The following DLG4 variants were observed in gnomAD, a reference collection of about 807,000 sequenced individuals.
DLG4 encodes disks large homolog 4.
Under a neutral mutation model 93.8 loss-of-function variants are expected in DLG4, and 7 were observed. The observed-to-expected ratio is 0.07, with a 90% CI of 0.04 to 0.14. The LOEUF (loss-of-function observed/expected upper bound fraction) is 0.14, where lower values mean the gene tolerates loss of function less well. Ranked by LOEUF, DLG4 falls within the 10% of genes least tolerant of loss-of-function variation. The pLI is 1.00. For synonymous variants in DLG4, 341 were observed against 387.6 expected, an observed-to-expected ratio of 0.88 and a Z score of 1.41; for missense variants, 545 against 992.9, an observed-to-expected ratio of 0.55 and a Z score of 6.06.
chr17:7,196,553 T>C lies in DLG4; in HGVS notation c.1106A>G (p.Asn369Ser), dbSNP rs2069795677. Reference protein sequence around the residue: ...ILSVNGVDLRNASHEQAAIAL... With the variant: ...ILSVNGVDLRSASHEQAAIAL... ...AATGGCAGCCTGCTCATGGCTGGCA[T>C]TTCGGAGGTCCACACCGTTGACCTA... The change falls in exon 10 of 20, where the codon AAT (asparagine) becomes AGT (serine). Residue 369 changes from asparagine (N) to serine (S), a missense_variant. By Grantham distance (46) the Asn-to-Ser change is conservative (BLOSUM62 1). Transcript: ENST00000399506. This position sits in a 1 kb window ranked among gnomAD's most constrained non-coding sequence, Gnocchi z 8.3. The C allele has an allele frequency of 6.2e-7, 1 of 1,613,982 alleles. No individual in the cohort carries two copies. Among genetic ancestry groups the C allele is most frequent in the Non-Finnish European group, 8.5e-7 (1 of 1,179,868 alleles).
Position 7,203,976 on chromosome 17 carries a change from C to A in DLG4, c.210+32G>T, listed in dbSNP as rs1219094638. 14 of 1,607,492 alleles carry A rather than the reference C, an allele frequency of 8.7e-6. No individual in the cohort carries two copies. The highest frequency in any genetic ancestry group is 9.3e-6 in the Non-Finnish European group (11 of 1,177,076). ...AGAAAGAAAGGTACAGACGGGAGGC[C>A]ACGGGGACTGCCGATGGAGGAGCCT... On this transcript the variant is annotated intron_variant, in intron 4 of 19. Transcript: ENST00000399506. This position sits in a 1 kb window ranked among gnomAD's most constrained non-coding sequence, Gnocchi z 7.2.
In DLG4 at chr17:7,188,456, C is replaced by A. The variant is rs1372391351; in HGVS notation, c.*2252G>T. The stretch of plus-strand genomic sequence containing the variant: ...TGCCTCAGCCTTACCCACTGGAGCA[C>A]CTGAGAATCAGAGAAAGGAATAGTA... On this transcript the variant is annotated 3_prime_UTR_variant, in exon 20 of 20. Coordinates refer to ENST00000399506, the MANE Select transcript of DLG4 (RefSeq NM_001321075.3). 6.6e-6 allele frequency among the ~76,000 whole-genome samples: 1 copy of A among 152,094 alleles called. No individual in the cohort carries two copies. Among genetic ancestry groups the A allele is most frequent in the Non-Finnish European group, 1.5e-5 (1 of 68,032 alleles).
At position 7,191,976 on chromosome 17, in the gene DLG4, CGAGA is replaced by C; in HGVS notation, c.1889_1892del (p.Val630GlyfsTer29). On this transcript the variant is annotated frameshift_variant, in exon 18 of 20. Transcript: ENST00000399506. LOFTEE classifies it high-confidence loss of function. This position sits in a 1 kb window ranked among gnomAD's most constrained non-coding sequence, Gnocchi z 6.6. ...CCTGCAGCCGCCGCACGGCATTGGC[CGAGA>C]CATCGAGGATGCAGTGCTTCCCCTG... is the stretch of plus-strand genomic sequence containing the variant. The C allele has an allele frequency of 6.8e-7, 1 of 1,461,078 alleles. No homozygotes were observed. The highest frequency in any genetic ancestry group is 9.1e-7 in the Non-Finnish European group (1 of 1,103,096). 90.5% of individuals were successfully genotyped at this position (1,461,078 alleles called of 1,614,324 possible).
rs747042824 is a variant in DLG4, at chr17:7,188,838, G to A, written c.*1870C>T. 7.2e-5 allele frequency among the ~76,000 whole-genome samples: 11 copies of A among 152,136 alleles called. No individual in the cohort carries two copies. Among genetic ancestry groups the A allele is most frequent in the Non-Finnish European group, 1.2e-4 (8 of 68,018 alleles). On this transcript the variant is annotated 3_prime_UTR_variant, in exon 20 of 20. Coordinates refer to ENST00000399506, the MANE Select transcript of DLG4 (RefSeq NM_001321075.3). ...TAGAGATAGGACATAAAGGCTGGGC[G>A]TAGTGGCTCATGCCTGTAATCTTAA...
At chr17:7,210,343 C>A (rs1178914065) in intron 1 of DLG4, among the ~76,000 whole-genome samples, 1 of 152,114 alleles carries the variant, frequency 6.6e-6, no homozygotes, top group Non-Finnish European at 1.5e-5. Context: ...TCAAGAAGCA[C>A]CCTGATACAT....
chr17:7,208,814 T>C lies in DLG4; in HGVS notation c.31-575A>G, dbSNP rs1199931307. 2.0e-5 allele frequency among the ~76,000 whole-genome samples: 3 copies of C among 152,002 alleles called. No individual in the cohort carries two copies. The highest frequency in any genetic ancestry group is 7.2e-5 in the African/African-American group (3 of 41,458). On this transcript the variant is annotated intron_variant, in intron 1 of 19. Transcript: ENST00000399506. The surrounding 1 kb of genome is among the most constrained non-coding windows in gnomAD (Gnocchi z 5.4). ...CACAGGTGATTGGCTCTCCTTTACC[T>C]TGCACTCCTTAGGCAAGGACTGAAG...
intron 8 of DLG4, among the ~76,000 whole-genome samples, chr17:7,202,238 A>T (rs1280199016): frequency 1.3e-5 from 2 of 152,002 alleles, no homozygotes; most frequent in African/African-American, 4.8e-5. Flanking sequence ...TAATTTTTTT[A>T]ATTTTTTTAG....
upstream of DLG4, chr17:7,219,171 T>C: frequency 2.5e-6 from 1 of 402,930 alleles, no homozygotes; most frequent in Non-Finnish European, 4.4e-6. Flanking sequence ...CAATGAGAAT[T>C]GCAGAAAAAG....
intron 1 of DLG4, among the ~76,000 whole-genome samples, chr17:7,211,105 G>T (rs1322957154): frequency 1.4e-5 from 2 of 144,854 alleles, no homozygotes; most frequent in African/African-American, 5.1e-5. Context: ...ATGTAGGGGG[G>T]CGGGGAGAAA....
chr17:7,218,779 GCCC>G, upstream of DLG4: 3 of 1,608,886 alleles, frequency 1.9e-6, no homozygotes, highest in Non-Finnish European at 1.7e-6. Flanking sequence ...CCGAGCCCCA[GCCC>G]CCCACTTCGC....
At chr17:7,197,572 C>T (rs1323912955) in intron 8 of DLG4, among the ~76,000 whole-genome samples, 1 of 152,060 alleles carries the variant, frequency 6.6e-6, no homozygotes, top group African/African-American at 2.4e-5. Context: ...GCAGCCTCTG[C>T]CTCCCAGGTT....
chr17:7,197,633 C>T (rs576124190), intron 8 of DLG4, among the ~76,000 whole-genome samples: 16 of 152,068 alleles, frequency 1.1e-4, no homozygotes, highest in South Asian at 2.1e-4. Context: ...TACAGGCGCG[C>T]GCCACCATGC....
intron 1 of DLG4, among the ~76,000 whole-genome samples, chr17:7,211,037 A>C: frequency 6.8e-6 from 1 of 147,436 alleles, no homozygotes; most frequent in Non-Finnish European, 1.5e-5. Flanking sequence ...CAGGGTTTCC[A>C]GAATGTGGCT....
At chr17:7,218,541 C>A, upstream of DLG4, 1 of 1,558,096 alleles carries the variant, frequency 6.4e-7, no homozygotes. Flanking sequence ...GGCTACTCAC[C>A]CAGCAAGGCC....
chr17:7,207,728 G>A (rs1036053968), intron 2 of DLG4, among the ~76,000 whole-genome samples: 4 of 151,394 alleles, frequency 2.6e-5, no homozygotes, highest in African/African-American at 9.7e-5. Context: ...AACGGCGCAC[G>A]CACGCACACA....
intron 2 of DLG4, among the ~76,000 whole-genome samples, chr17:7,205,513 A>G (rs988345458): frequency 6.6e-6 from 1 of 152,034 alleles, no homozygotes; most frequent in Admixed American, 6.5e-5. Context: ...TCCCCGTCCA[A>G]AGGGGTCCCT....
chr17:7,197,109 A>G (rs2069832786), intron 8 of DLG4, 57 bp from the exon 9 acceptor site: 36 of 1,503,018 alleles, frequency 2.4e-5, no homozygotes, highest in Non-Finnish European at 3.2e-5. Context: ...CCCGCCACCC[A>G]ACCTTCTCCC....
chr17:7,204,321 T>C, intron 2 of DLG4, 69 bp from the exon 3 acceptor site: 1 of 1,464,656 alleles, frequency 6.8e-7, no homozygotes, highest in Admixed American at 2.4e-5. Flanking sequence ...TAACGGAGGG[T>C]CCCATCAGCG....
Position 7,190,405 on chromosome 17 carries a change from G to A in DLG4, c.*303C>T, listed in dbSNP as rs1032509737. 9 of 396,850 alleles carry A rather than the reference G, an allele frequency of 2.3e-5. No homozygotes were observed. Among genetic ancestry groups the A allele is most frequent in the Non-Finnish European group, 2.8e-5 (6 of 210,636 alleles). 24.6% of individuals were successfully genotyped at this position (396,850 alleles called of 1,614,324 possible). ...GGATGGGGGAGGGCAGGTGGCCCCCGGTGGGTCTGTGTGTGCATTGGGGGC... is the reference window on the plus strand; with the variant it reads ...GGATGGGGGAGGGCAGGTGGCCCCCAGTGGGTCTGTGTGTGCATTGGGGGC... On this transcript the variant is annotated 3_prime_UTR_variant, in exon 20 of 20. Coordinates refer to ENST00000399506, the MANE Select transcript of DLG4 (RefSeq NM_001321075.3).
Sources: gnomAD v4.1 joint callset for allele counts (sites outside exome capture counted in the v4.1 genomes callset) on GRCh38, gnomAD v4.1.1 for gene constraint, Gnocchi (gnomAD v3.1) non-coding constraint, MANE v1.5 for transcripts, NCBI Gene and HGNC (gene_info 2026-07-23, HGNC 2026-07-21) for gene names.